The following SMARCC1 variants were observed in gnomAD, a reference collection of about 807,000 sequenced individuals.
The protein encoded by SMARCC1 is SWI/SNF related BAF chromatin remodeling complex subunit C1.
A neutral mutation model predicts 147.4 loss-of-function variants in SMARCC1; 43 were observed. The ratio of observed to expected loss-of-function variants is 0.29; its 90% CI spans 0.23 to 0.38. SMARCC1 has a LOEUF of 0.38. Ranked by LOEUF, SMARCC1 falls within the 10% of genes least tolerant of loss-of-function variation. The probability of loss-of-function intolerance (pLI) is 1.00; values close to 1 mark genes in which losing one functional copy is unlikely to be tolerated. For synonymous variants in SMARCC1, 495 were observed against 484.4 expected (o/e 1.02, Z -0.29); for missense variants, 1,119 against 1,381.1 (o/e 0.81, Z 3.01).
intron 25 of SMARCC1, among the ~76,000 whole-genome samples, chr3:47,615,444 C>T (rs1313985693): frequency 6.6e-6 from 1 of 152,186 alleles, no homozygotes; most frequent in African/African-American, 2.4e-5. Context: ...AAGAGCTGGG[C>T]CTTTCTTACA....
At chr3:47,690,201 A>G (rs1434507646) in intron 12 of SMARCC1, among the ~76,000 whole-genome samples, 3 of 152,182 alleles carry the variant, frequency 2.0e-5, no homozygotes, top group Non-Finnish European at 4.4e-5. Flanking sequence ...TATTAAAAAA[A>G]AGAAAAGAAA....
At chr3:47,641,414 G>A (rs1247711690) in intron 21 of SMARCC1, among the ~76,000 whole-genome samples, 1 of 152,168 alleles carries the variant, frequency 6.6e-6, no homozygotes, top group Admixed American at 6.5e-5. Context: ...GAGCCTGGGA[G>A]GTCAAGACTG....
intron 18 of SMARCC1, among the ~76,000 whole-genome samples, chr3:47,671,938 G>C (rs2033507754): frequency 6.6e-6 from 1 of 152,112 alleles, no homozygotes; most frequent in South Asian, 2.1e-4. Context: ...CATTCTGTAT[G>C]AAGGAAGAAA....
chr3:47,736,004 A>G, intron 5 of SMARCC1, 30 bp downstream of exon 5: 3 of 1,039,102 alleles, frequency 2.9e-6, no homozygotes, highest in East Asian at 2.5e-5. Flanking sequence ...GATCGTGTCT[A>G]TTATTATCTG....
At chr3:47,646,734 A>G (rs1176120533) in intron 21 of SMARCC1, among the ~76,000 whole-genome samples, 1 of 152,142 alleles carries the variant, frequency 6.6e-6, no homozygotes, top group Non-Finnish European at 1.5e-5. Flanking sequence ...TCAAAAACAG[A>G]CTGAATCATG....
intron 25 of SMARCC1, among the ~76,000 whole-genome samples, chr3:47,617,997 C>A (rs1403578): frequency 5.9e-5 from 9 of 151,800 alleles, no homozygotes; most frequent in Non-Finnish European, 8.8e-5. Flanking sequence ...ATAACTAATA[C>A]AATTGGATTA....
chr3:47,642,275 T>C (rs1258422760), intron 21 of SMARCC1, among the ~76,000 whole-genome samples: 2 of 152,190 alleles, frequency 1.3e-5, no homozygotes, highest in Non-Finnish European at 1.5e-5. Context: ...GAAGTACATA[T>C]GACCAATAAA....
intron 8 of SMARCC1, among the ~76,000 whole-genome samples, chr3:47,712,188 C>A (rs978545364): frequency 6.6e-6 from 1 of 152,090 alleles, no homozygotes; most frequent in East Asian, 1.9e-4. Flanking sequence ...GCCAAGATCA[C>A]GCCATTGCAC....
chr3:47,710,072 T>A (rs1047732832), intron 9 of SMARCC1, among the ~76,000 whole-genome samples: 2 of 152,130 alleles, frequency 1.3e-5, no homozygotes, highest in African/African-American at 4.8e-5. Flanking sequence ...ATCCCAGCAC[T>A]TTGAGAGGCC....
intron 8 of SMARCC1, among the ~76,000 whole-genome samples, chr3:47,712,904 T>C (rs917289871): frequency 6.6e-6 from 1 of 152,144 alleles, no homozygotes; most frequent in African/African-American, 2.4e-5. Flanking sequence ...TACAGGGAAA[T>C]AGATGTCTAA....
intron 8 of SMARCC1, among the ~76,000 whole-genome samples, chr3:47,711,626 C>A (rs1203710604): frequency 4.6e-5 from 7 of 152,174 alleles, no homozygotes; most frequent in Non-Finnish European, 8.8e-5. Flanking sequence ...AAACAAGATA[C>A]ACTGTGGCAA....
intron 27 of SMARCC1, among the ~76,000 whole-genome samples, chr3:47,589,236 A>G (rs1364414594): frequency 1.3e-5 from 2 of 152,138 alleles, no homozygotes; most frequent in African/African-American, 4.8e-5. Context: ...CCTAGAACCA[A>G]TTCACATGGT....
At chr3:47,612,533 AC>A (rs2032577918) in intron 25 of SMARCC1, among the ~76,000 whole-genome samples, 1 of 152,188 alleles carries the variant, frequency 6.6e-6, no homozygotes, top group Non-Finnish European at 1.5e-5. Context: ...TTTTAACCAA[AC>A]TAGCCTTTCT....
chr3:47,768,331 G>T (rs2034865190), intron 2 of SMARCC1, among the ~76,000 whole-genome samples: 1 of 152,044 alleles, frequency 6.6e-6, no homozygotes, highest in Non-Finnish European at 1.5e-5. Flanking sequence ...CAAGTACATC[G>T]GTTCCCAGTG....
chr3:47,743,438 CCTTT>C (rs1304345924), intron 3 of SMARCC1, among the ~76,000 whole-genome samples: 4 of 152,228 alleles, frequency 2.6e-5, no homozygotes, highest in Middle Eastern at 3.4e-3. Flanking sequence ...CATATATCTT[CCTTT>C]TTTTTTGAGA....
At chr3:47,654,350 C>T (rs912131644) in intron 21 of SMARCC1, among the ~76,000 whole-genome samples, 3 of 152,112 alleles carry the variant, frequency 2.0e-5, no homozygotes, top group Non-Finnish European at 4.4e-5. Context: ...AGAACAGAGA[C>T]GTGACTTCGC....
chr3:47,720,585 T>C, intron 7 of SMARCC1, 81 bp downstream of exon 7: 4 of 954,682 alleles, frequency 4.2e-6, no homozygotes, highest in Non-Finnish European at 6.6e-6. Context: ...ATTGTCACTA[T>C]TCAGAAAATA....
In SMARCC1 at chr3:47,748,594, A is replaced by G. The variant is rs1192280333; in HGVS notation, c.316-2601T>C. Among the ~76,000 whole-genome samples the G allele has an allele frequency of 2.0e-5, 3 of 152,152 alleles. No individual in the cohort carries two copies. In the South Asian group the frequency reaches 6.2e-4, roughly 31 times the overall value. On this transcript the variant is annotated intron_variant, in intron 2 of 27. Coordinates refer to ENST00000254480, the MANE Select transcript of SMARCC1 (RefSeq NM_003074.4). Reference sequence around the variant, plus strand: ...AACTATAATAGCTAAAATCTATGCCACAATTCAAGAGATCTGTGCTTTACA... The same window carrying G: ...AACTATAATAGCTAAAATCTATGCCGCAATTCAAGAGATCTGTGCTTTACA...
At chr3:47,770,446 C>A (rs1017569840) in intron 2 of SMARCC1, among the ~76,000 whole-genome samples, 5 of 151,840 alleles carry the variant, frequency 3.3e-5, no homozygotes, top group Non-Finnish European at 7.4e-5. Flanking sequence ...CATGGTGAAA[C>A]CCCGTCTCTA....
Sources: gnomAD v4.1 joint callset for allele counts (sites outside exome capture counted in the v4.1 genomes callset) on GRCh38, gnomAD v4.1.1 for gene constraint, MANE v1.5 for transcripts, NCBI Gene and HGNC (gene_info 2026-07-23, HGNC 2026-07-21) for gene names.